CHRM2: variants seen among roughly 807,000 people sequenced by gnomAD.
CHRM2 encodes cholinergic receptor muscarinic 2, also known as muscarinic acetylcholine receptor M2.
CHRM2 carries 8 observed loss-of-function variants against 25.0 expected under a neutral mutation model. The ratio of observed to expected loss-of-function variants is 0.32; its 90% CI spans 0.19 to 0.58. CHRM2 has a LOEUF of 0.58. CHRM2 is among the 20% of genes least tolerant of loss of function. The probability of loss-of-function intolerance (pLI) is 0.88; values close to 1 mark genes in which losing one functional copy is unlikely to be tolerated. For missense variants in CHRM2, 440 were observed against 567.1 expected, an observed-to-expected ratio of 0.78 and a Z score of 2.28; for synonymous variants, 202 against 205.7, an observed-to-expected ratio of 0.98 and a Z score of 0.15.
chr7:137,001,543 T>G (rs1804034027), intron 3 of CHRM2, among the ~76,000 whole-genome samples: 1 of 152,060 alleles, frequency 6.6e-6, no homozygotes, highest in Non-Finnish European at 1.5e-5. Flanking sequence ...AGTATTTCCT[T>G]CCCAACAGCC....
intron 2 of CHRM2, among the ~76,000 whole-genome samples, chr7:136,960,328 G>A (rs1440279652): frequency 1.3e-5 from 2 of 152,166 alleles, no homozygotes; most frequent in Non-Finnish European, 2.9e-5. Flanking sequence ...CCTTCACATA[G>A]TATAGATGTG....
chr7:137,000,547 A>AGAAGGAAGGAAGGAAGGAAG (rs780148176), intron 3 of CHRM2, among the ~76,000 whole-genome samples: 3,313 of 95,146 alleles, frequency 0.035, 138 homozygotes, highest in East Asian at 0.07. Context: ...AAAGAAAGAA[A>AGAAGGAAGGAAGGAAGGAAG]GAAGGAAGGA....
chr7:136,964,031 C>A (rs1801258029), intron 2 of CHRM2, among the ~76,000 whole-genome samples: 1 of 152,094 alleles, frequency 6.6e-6, no homozygotes, highest in Non-Finnish European at 1.5e-5. Flanking sequence ...TATTTATTTG[C>A]AGAACATTCC....
At chr7:136,963,752 A>G (rs1801241257) in intron 2 of CHRM2, among the ~76,000 whole-genome samples, 1 of 152,136 alleles carries the variant, frequency 6.6e-6, no homozygotes, top group Non-Finnish European at 1.5e-5. Flanking sequence ...GGAGCATTTA[A>G]ATCAAAATCA....
chr7:136,978,506 G>A (rs1156549323), intron 2 of CHRM2, among the ~76,000 whole-genome samples: 1 of 152,098 alleles, frequency 6.6e-6, no homozygotes, highest in Non-Finnish European at 1.5e-5. Flanking sequence ...GAACGTGCAG[G>A]TTTGTTACAT....
intron 2 of CHRM2, chr7:136,903,108 T>C: frequency 1.9e-6 from 1 of 532,810 alleles, no homozygotes; most frequent in East Asian, 5.5e-5. Context: ...TGGGCTAGTG[T>C]AGGTGTAGGT....
chr7:136,905,321 G>C (rs988959020), intron 2 of CHRM2, among the ~76,000 whole-genome samples: 3 of 151,288 alleles, frequency 2.0e-5, no homozygotes, highest in Non-Finnish European at 4.4e-5. Context: ...AAATGCACTC[G>C]TTTTTTATTT....
chr7:136,869,251 C>T lies in CHRM2; in HGVS notation c.-282-10C>T, dbSNP rs1235148003. The T allele has an allele frequency of 6.6e-6, 1 of 152,298 alleles. No individual in the cohort carries two copies. Among genetic ancestry groups the T allele is most frequent in the East Asian group, 1.9e-4 (1 of 5,150 alleles). 9.4% of individuals were successfully genotyped at this position (152,298 alleles called of 1,614,324 possible). A position where few individuals can be genotyped will look rare whatever the true frequency, so the allele number is the denominator to read the frequency against. On this transcript the variant is annotated splice_polypyrimidine_tract_variant and intron_variant, in intron 1 of 3. Transcript: ENST00000680005. This position sits in a 1 kb window ranked among gnomAD's most constrained non-coding sequence, Gnocchi z 4.9. ...CGGCATCAACTAATCTTTTCCTTTT[C>T]TTTTGCAAGATCAAGGGAGAAAGAG...
intron 2 of CHRM2, among the ~76,000 whole-genome samples, chr7:136,889,047 C>CAAAAAAAA: frequency 1.5e-5 from 1 of 66,494 alleles, no homozygotes; most frequent in Non-Finnish European, 2.6e-5. Flanking sequence ...GACTACATCT[C>CAAAAAAAA]AAAAAAAAAA....
intron 2 of CHRM2, among the ~76,000 whole-genome samples, chr7:136,956,807 G>A: frequency 7.0e-6 from 1 of 143,162 alleles, no homozygotes; most frequent in Non-Finnish European, 1.5e-5. Flanking sequence ...AACAGGGAGG[G>A]GGAATGGGAT....
intron 2 of CHRM2, among the ~76,000 whole-genome samples, chr7:136,925,467 T>C (rs1798690127): frequency 6.6e-6 from 1 of 152,102 alleles, no homozygotes; most frequent in Non-Finnish European, 1.5e-5. Flanking sequence ...AGATCTAACT[T>C]TTCAAAGGGT....
chr7:136,882,674 C>A (rs1796311447), intron 2 of CHRM2, among the ~76,000 whole-genome samples: 1 of 152,034 alleles, frequency 6.6e-6, no homozygotes, highest in African/African-American at 2.4e-5. Flanking sequence ...GAAAATAAAA[C>A]TTCCTTTCTG....
intron 2 of CHRM2, chr7:136,872,085 G>C (rs1795862582): frequency 6.6e-6 from 1 of 152,134 alleles, no homozygotes; most frequent in Non-Finnish European, 1.5e-5. Flanking sequence ...TTAAAATAAA[G>C]CTCTGTGAAT....
At chr7:136,987,382 T>C (rs1412775040) in intron 2 of CHRM2, among the ~76,000 whole-genome samples, 1 of 152,226 alleles carries the variant, frequency 6.6e-6, no homozygotes, top group African/African-American at 2.4e-5. Context: ...GCTTATCCAC[T>C]GTTTTCTACA....
rs57705639 is a variant in CHRM2, at chr7:136,930,898, CAAAAAAAAAA to C, written c.-124-61269_-124-61260del. On this transcript the variant is annotated intron_variant, in intron 2 of 3. Transcript: ENST00000680005. ...GGCTACAGAGCCAGACTCATTCTCT[CAAAAAAAAAA>C]AAAAAAAAAAAAAAAAAAAGGATAG... is the stretch of plus-strand genomic sequence containing the variant. 3.3e-4 allele frequency among the ~76,000 whole-genome samples: 20 copies of C among 61,136 alleles called. 1 individual carries two copies. Among genetic ancestry groups the C allele is most frequent in the East Asian group, 2.2e-3 (2 of 910 alleles). The allele number at this position is 61,136 out of a possible 152,430, so 40.1% of individuals were successfully genotyped here.
intron 2 of CHRM2, among the ~76,000 whole-genome samples, chr7:136,928,537 C>G (rs1798872445): frequency 6.6e-6 from 1 of 152,120 alleles, no homozygotes; most frequent in Non-Finnish European, 1.5e-5. Context: ...AATACTCATC[C>G]ACTTTACTTG....
At chr7:136,999,137 G>A (rs1803807225) in intron 3 of CHRM2, among the ~76,000 whole-genome samples, 1 of 152,020 alleles carries the variant, frequency 6.6e-6, no homozygotes, top group South Asian at 2.1e-4. Context: ...TTTATTTGCT[G>A]TTCACTATAT....
chr7:136,887,286 C>A (rs1443230151), intron 2 of CHRM2, among the ~76,000 whole-genome samples: 1 of 151,918 alleles, frequency 6.6e-6, no homozygotes, highest in Non-Finnish European at 1.5e-5. Context: ...CTTAAAAAAC[C>A]TTTACAATTT....
chr7:136,972,599 G>A (rs1370657472), intron 2 of CHRM2, among the ~76,000 whole-genome samples: 1 of 152,204 alleles, frequency 6.6e-6, no homozygotes. Context: ...GAGAACTCAG[G>A]TTTGAATGAA....
Sources: gnomAD v4.1 joint callset for allele counts (sites outside exome capture counted in the v4.1 genomes callset) on GRCh38, gnomAD v4.1.1 for gene constraint, Gnocchi (gnomAD v3.1) non-coding constraint, MANE v1.5 for transcripts, NCBI Gene and HGNC (gene_info 2026-07-23, HGNC 2026-07-21) for gene names.